The following PTPRT variants were observed in gnomAD, a reference collection of about 807,000 sequenced individuals.
The protein encoded by PTPRT is receptor-type tyrosine-protein phosphatase T.
Under a neutral mutation model 176.8 loss-of-function variants are expected in PTPRT, and 56 were observed. That is an observed-to-expected ratio of 0.32 (90% CI 0.26 to 0.40). PTPRT has a LOEUF of 0.40. PTPRT is among the 10% of genes least tolerant of loss of function. The probability of loss-of-function intolerance (pLI) is 1.00; values close to 1 mark genes in which losing one functional copy is unlikely to be tolerated. For synonymous variants in PTPRT, 783 were observed against 739.0 expected, an observed-to-expected ratio of 1.06 and a Z score of -0.96; for missense variants, 1,540 against 1,908.2, an observed-to-expected ratio of 0.81 and a Z score of 3.60.
intron 7 of PTPRT, among the ~76,000 whole-genome samples, chr20:42,477,282 C>T (rs951090311): frequency 6.6e-6 from 1 of 152,172 alleles, no homozygotes; most frequent in African/African-American, 2.4e-5. Context: ...GTGAGATGAA[C>T]AGATGGTGAC....
At chr20:42,086,980 C>T (rs1984034076) in intron 27 of PTPRT, among the ~76,000 whole-genome samples, 1 of 151,116 alleles carries the variant, frequency 6.6e-6, no homozygotes, top group Admixed American at 6.6e-5. Flanking sequence ...GAGCAAAAGG[C>T]AGTGATTGAC....
intron 18 of PTPRT, among the ~76,000 whole-genome samples, chr20:42,129,395 A>G (rs887958480): frequency 3.3e-5 from 5 of 152,238 alleles, no homozygotes; most frequent in Non-Finnish European, 5.9e-5. Context: ...ATTGTGTTAT[A>G]GAGGATGCCT....
At chr20:42,710,826 T>A (rs73907243) in intron 6 of PTPRT, among the ~76,000 whole-genome samples, 2 of 152,176 alleles carry the variant, frequency 1.3e-5, no homozygotes, top group Non-Finnish European at 2.9e-5. Context: ...CTCCAACCCA[T>A]GAGAGCAGCC....
At chr20:42,034,308 A>G in the PTPRT span, among the ~76,000 whole-genome samples, 1 of 152,192 alleles carries the variant, frequency 6.6e-6, no homozygotes, top group Non-Finnish European at 1.5e-5. Flanking sequence ...AGGAGATGCC[A>G]TCCTCAGTTC....
intron 8 of PTPRT, among the ~76,000 whole-genome samples, chr20:42,463,837 T>A (rs2071062189): frequency 6.6e-6 from 1 of 152,192 alleles, no homozygotes; most frequent in Admixed American, 6.5e-5. Context: ...GGAACTAACT[T>A]AATAAGAGAG....
intron 15 of PTPRT, among the ~76,000 whole-genome samples, chr20:42,203,540 T>A (rs908061534): frequency 2.6e-5 from 4 of 152,218 alleles, no homozygotes; most frequent in African/African-American, 9.6e-5. Context: ...CTCCTCTTTG[T>A]CCTCCAAGGC....
At chr20:42,402,087 G>A (rs1340383946) in intron 9 of PTPRT, among the ~76,000 whole-genome samples, 1 of 152,140 alleles carries the variant, frequency 6.6e-6, no homozygotes, top group Non-Finnish European at 1.5e-5. Flanking sequence ...GCCAGGTGAA[G>A]GAGGGGAGCA....
At chr20:42,917,144 T>C (rs2145945184) in intron 1 of PTPRT, among the ~76,000 whole-genome samples, 1 of 152,264 alleles carries the variant, frequency 6.6e-6, no homozygotes, top group East Asian at 1.9e-4. Context: ...TTGTATAAGG[T>C]GTAAGGAAGG....
At chr20:42,993,185 G>A (rs368152689) in intron 1 of PTPRT, among the ~76,000 whole-genome samples, 297 of 151,986 alleles carry the variant, frequency 2.0e-3, no homozygotes, top group South Asian at 6.8e-3. Context: ...TTGGGAGGCC[G>A]AGGTGGGTGG....
Position 42,214,053 on chromosome 20 carries a change from G to A in PTPRT, c.2343-14665C>T, listed in dbSNP as rs148212204. On this transcript the variant is annotated intron_variant, in intron 15 of 30. Transcript: ENST00000373187. ...CCTTAATTCTGCTACAACACCGTGAGGCCAGGAGTATTATTAGTTCCATTT... is the reference window on the plus strand; with the variant it reads ...CCTTAATTCTGCTACAACACCGTGAAGCCAGGAGTATTATTAGTTCCATTT... Among the ~76,000 whole-genome samples the A allele has an allele frequency of 2.4e-4, 36 of 152,246 alleles. No individual in the cohort carries two copies. In the East Asian group the frequency reaches 6.6e-3, roughly 28 times the overall value.
At chr20:42,989,245 T>A (rs776655884) in intron 1 of PTPRT, among the ~76,000 whole-genome samples, 4 of 152,260 alleles carry the variant, frequency 2.6e-5, no homozygotes, top group Non-Finnish European at 4.4e-5. Flanking sequence ...TTACACCAAA[T>A]CCTTAAATAT....
At position 42,918,694 on chromosome 20, in the gene PTPRT, G is replaced by A. The variant is rs559799467; in HGVS notation, c.89-32762C>T. On this transcript the variant is annotated intron_variant, in intron 1 of 30. Transcript: ENST00000373187. ...TTTTGACACTGTCTCTAGTTTAGAAGGAAGGGAGACAAAGACCAACTTTCA... is the reference window on the plus strand; with the variant it reads ...TTTTGACACTGTCTCTAGTTTAGAAAGAAGGGAGACAAAGACCAACTTTCA... Among the ~76,000 whole-genome samples, 8 of 152,230 alleles carry A rather than the reference G, an allele frequency of 5.3e-5. No homozygotes were observed. In the South Asian group the frequency reaches 1.7e-3, roughly 32 times the overall value.
At chr20:42,043,689 A>G in the PTPRT span, among the ~76,000 whole-genome samples, 2 of 152,318 alleles carry the variant, frequency 1.3e-5, no homozygotes, top group South Asian at 2.1e-4. Context: ...CTGTTAAGCC[A>G]CTAAAATTTC....
intron 15 of PTPRT, among the ~76,000 whole-genome samples, chr20:42,203,873 C>T (rs528155585): frequency 4.3e-4 from 66 of 152,318 alleles, no homozygotes; most frequent in African/African-American, 1.2e-3. Flanking sequence ...ATGTTAGCTA[C>T]GTACTTGTTG....
At chr20:42,321,325 T>A (rs568739047) in intron 11 of PTPRT, among the ~76,000 whole-genome samples, 1 of 152,300 alleles carries the variant, frequency 6.6e-6, no homozygotes, top group African/African-American at 2.4e-5. Context: ...ATCAGCTGAA[T>A]CAGAATCTCT....
chr20:42,358,596 G>A (rs910794980), intron 9 of PTPRT, among the ~76,000 whole-genome samples: 2 of 152,202 alleles, frequency 1.3e-5, no homozygotes, highest in Admixed American at 6.5e-5. Context: ...CATGGGAGAA[G>A]GGTGGGAGGC....
chr20:42,798,151 T>G (rs556902786), intron 2 of PTPRT, among the ~76,000 whole-genome samples: 1 of 152,248 alleles, frequency 6.6e-6, no homozygotes, highest in African/African-American at 2.4e-5. Flanking sequence ...AGCTCAGCCA[T>G]GGTCCTTCAT....
chr20:42,271,959 C>T (rs981275569), intron 13 of PTPRT, among the ~76,000 whole-genome samples: 1 of 152,012 alleles, frequency 6.6e-6, no homozygotes, highest in Non-Finnish European at 1.5e-5. Context: ...AAAATTTAAC[C>T]ACCAGTAAAT....
chr20:43,169,630 A>G (rs914577905), intron 1 of PTPRT, among the ~76,000 whole-genome samples: 4 of 152,226 alleles, frequency 2.6e-5, no homozygotes, highest in African/African-American at 9.7e-5. Flanking sequence ...TCACTGTATT[A>G]TCATAAGCTT....
Sources: gnomAD v4.1 joint callset for allele counts (sites outside exome capture counted in the v4.1 genomes callset) on GRCh38, gnomAD v4.1.1 for gene constraint, MANE v1.5 for transcripts, NCBI Gene and HGNC (gene_info 2026-07-23, HGNC 2026-07-21) for gene names.